MACF1: variants seen among roughly 807,000 people sequenced by gnomAD.
MACF1 encodes microtubule actin crosslinking factor 1, also known as microtubule-actin cross-linking factor 1.
MACF1 carries 193 observed loss-of-function variants against 854.8 expected under a neutral mutation model. The ratio of observed to expected loss-of-function variants is 0.23; its 90% confidence interval spans 0.20 to 0.25. The LOEUF (loss-of-function observed/expected upper bound fraction) is 0.25. Among genes scored for constraint, MACF1 ranks in the 10% least tolerant of loss-of-function variants. The pLI is 1.00. For missense variants in MACF1, 7,722 were observed against 8,929.1 expected (o/e 0.86, Z 5.45); for synonymous variants, 3,185 against 3,226.7 (o/e 0.99, Z 0.44).
intron 2 of MACF1, among the ~76,000 whole-genome samples, chr1:39,179,177 C>T (rs1012249791): frequency 6.6e-6 from 1 of 152,186 alleles, no homozygotes; most frequent in African/African-American, 2.4e-5. Context: ...GTGAACTCCC[C>T]CACACACTTA....
rs765820808 is a variant in MACF1, at chr1:39,332,225, C to T, written c.5637C>T (p.Ile1879=). Residue 1879 remains isoleucine, a synonymous_variant, in exon 37 of 101, where the codon ATC becomes ATT. Transcript: ENST00000564288. The stretch of plus-strand genomic sequence containing the variant: ...TGTCTACTGAACTAGCACATAAAAT[C>T]CTTAGTAACCGACAGCATATTAAGG... ...GIVSTELAHK[I]LSNRQHIKAL... 18 of 1,613,960 alleles carry T rather than the reference C, an allele frequency of 1.1e-5. No individual in the cohort carries two copies. Among genetic ancestry groups the T allele is most frequent in the Admixed American group, 1.7e-5 (1 of 60,014 alleles).
At chr1:39,232,156 T>C (rs975790232) in intron 2 of MACF1, among the ~76,000 whole-genome samples, 3 of 149,284 alleles carry the variant, frequency 2.0e-5, no homozygotes, top group Non-Finnish European at 4.4e-5. Flanking sequence ...TATGGTATTA[T>C]TATTTTAAAT....
chr1:39,206,218 G>T (rs1644448702), intron 1 of MACF1, among the ~76,000 whole-genome samples: 1 of 152,170 alleles, frequency 6.6e-6, no homozygotes. Context: ...TGCATCTATA[G>T]CAGCGGAAAC....
intron 2 of MACF1, among the ~76,000 whole-genome samples, chr1:39,098,986 G>A (rs1344858164): frequency 6.6e-6 from 1 of 152,174 alleles, no homozygotes; most frequent in African/African-American, 2.4e-5. Flanking sequence ...ACTAGAACTA[G>A]GTAATTTTCT....
intron 2 of MACF1, among the ~76,000 whole-genome samples, chr1:39,194,447 G>A (rs566190584): frequency 2.1e-4 from 31 of 145,366 alleles, no homozygotes; most frequent in African/African-American, 3.4e-4. Context: ...TCCACCTCCC[G>A]GGCTCAAGGG....
chr1:39,137,979 C>T (rs984083449), intron 2 of MACF1, among the ~76,000 whole-genome samples: 10 of 145,560 alleles, frequency 6.9e-5, no homozygotes, highest in Non-Finnish European at 1.3e-4. Flanking sequence ...GAGGCTGAGG[C>T]AGGAGGATTG....
intron 87 of MACF1, 66 bp from the exon 88 acceptor site, chr1:39,453,641 G>A: frequency 7.1e-7 from 1 of 1,415,870 alleles, no homozygotes; most frequent in South Asian, 1.2e-5. Flanking sequence ...TCCCCCCTCA[G>A]TGTAAACTAA....
intron 66 of MACF1, among the ~76,000 whole-genome samples, chr1:39,431,491 T>C (rs1643875052): frequency 6.6e-6 from 1 of 152,212 alleles, no homozygotes; most frequent in South Asian, 2.1e-4. Flanking sequence ...CTTAGGATCA[T>C]AGTGATGAAC....
At chr1:39,324,085 T>G in intron 33 of MACF1, 108 bp from the exon 34 acceptor site, 1 of 1,122,276 alleles carries the variant, frequency 8.9e-7, no homozygotes, top group Non-Finnish European at 1.3e-6. Context: ...CCCACTTATT[T>G]AGGTAACTGT....
In MACF1 at chr1:39,162,766, C is replaced by T. The variant is rs138074420; in HGVS notation, c.221-68416C>T. ...TTAAATGAGATAGTGAATATAACAT[C>T]TGATGCAGACTAGGAGCCTGATAGA... On this transcript the variant is annotated intron_variant, in intron 2 of 93. Coordinates refer to the MACF1 transcript ENST00000361689. Among the ~76,000 whole-genome samples, 196 of 152,192 alleles carry T rather than the reference C, an allele frequency of 1.3e-3. 1 individual carries two copies. The highest frequency in any genetic ancestry group is 2.1e-3 in the Non-Finnish European group (143 of 68,014).
chr1:39,360,006 AAAAAAAATATATAT>A (rs1647958553), intron 47 of MACF1, among the ~76,000 whole-genome samples: 7 of 66,542 alleles, frequency 1.1e-4, no homozygotes, highest in African/African-American at 2.2e-4. Flanking sequence ...AAAAAAAAAA[AAAAAAAATATATAT>A]ATATATATAT....
At chr1:39,346,159 C>T (rs557858821) in intron 40 of MACF1, among the ~76,000 whole-genome samples, 13 of 151,168 alleles carry the variant, frequency 8.6e-5, no homozygotes, top group African/African-American at 2.7e-4. Context: ...GTCAGGAGAT[C>T]GAGACCATCT....
At chr1:39,287,594 A>C (rs757302848) in intron 15 of MACF1, 32 bp downstream of exon 15, 5 of 1,608,022 alleles carry the variant, frequency 3.1e-6, no homozygotes, top group Non-Finnish European at 8.5e-7. Context: ...TATGCAGTAC[A>C]CTGATGTTTA....
chr1:39,315,737 G>T (rs1299332591), intron 27 of MACF1, 46 bp downstream of exon 27: 3 of 1,576,046 alleles, frequency 1.9e-6, no homozygotes, highest in Non-Finnish European at 8.7e-7. Flanking sequence ...TTTTCCATTG[G>T]GATAAGAAAG....
At chr1:39,477,069 A>ATACACACACACATATATACACTTAGTG (rs1644905687) in intron 97 of MACF1, among the ~76,000 whole-genome samples, 119 of 17,472 alleles carry the variant, frequency 6.8e-3, no homozygotes, top group South Asian at 0.015. Flanking sequence ...ATATATATAT[A>ATACACACACACATATATACACTTAGTG]TATATATATA....
At chr1:39,092,934 C>T (rs1641842792) in intron 2 of MACF1, among the ~76,000 whole-genome samples, 1 of 152,080 alleles carries the variant, frequency 6.6e-6, no homozygotes, top group Non-Finnish European at 1.5e-5. Flanking sequence ...AGGTGCCTGA[C>T]ACCATGCCCA....
At chr1:39,124,820 C>T (rs1007512978) in intron 2 of MACF1, among the ~76,000 whole-genome samples, 3 of 152,158 alleles carry the variant, frequency 2.0e-5, no homozygotes, top group Admixed American at 6.5e-5. Flanking sequence ...TCTCCATTTT[C>T]GGATGAAGAA....
At chr1:39,367,730 G>A (rs77535045) in intron 49 of MACF1, among the ~76,000 whole-genome samples, 5,596 of 152,246 alleles carry the variant, frequency 0.037, 160 homozygotes, top group Non-Finnish European at 0.049. Context: ...AGACAAGACT[G>A]TTTTGTAATT....
chr1:39,332,255 G>T lies in MACF1; in HGVS notation c.5667G>T (p.Leu1889=), dbSNP rs1299409446. 1.2e-6 allele frequency: 2 copies of T among 1,613,810 alleles called. No individual in the cohort carries two copies. The highest frequency in any genetic ancestry group is 1.7e-6 in the Non-Finnish European group (2 of 1,180,036). ...GTAACCGACAGCATATTAAGGCTCT[G>T]TTTCTACCAGCAACCACAGAGATTT... The part of the protein sequence containing the change: ...ILSNRQHIKA[L]FLPATTEILS... Residue 1889 remains leucine, a synonymous_variant, in exon 37 of 101, where the codon CTG becomes CTT. Transcript: ENST00000564288.
Sources: gnomAD v4.1 joint callset for allele counts (sites outside exome capture counted in the v4.1 genomes callset) on GRCh38, gnomAD v4.1.1 for gene constraint, MANE v1.5 for transcripts, NCBI Gene and HGNC (gene_info 2026-07-23, HGNC 2026-07-21) for gene names.